The following CMIP variants were observed in gnomAD, a reference collection of about 807,000 sequenced individuals.
CMIP encodes the protein C-Maf-inducing protein.
Under a neutral mutation model 97.3 loss-of-function variants are expected in CMIP, and 13 were observed. The ratio of observed to expected loss-of-function variants is 0.13; its 90% CI spans 0.09 to 0.21. The LOEUF (loss-of-function observed/expected upper bound fraction) is 0.21, where lower values mean the gene tolerates loss of function less well. Among genes scored for constraint, CMIP ranks in the 10% least tolerant of loss-of-function variants. CMIP has a pLI of 1.00. For synonymous variants in CMIP, 538 were observed against 436.3 expected (o/e 1.23, Z -2.91); for missense variants, 847 against 1,024.9 (o/e 0.83, Z 2.37).
intron 1 of CMIP, among the ~76,000 whole-genome samples, chr16:81,484,676 C>G (rs1207115310): frequency 6.6e-6 from 1 of 152,106 alleles, no homozygotes; most frequent in Non-Finnish European, 1.5e-5. Context: ...TGATGGGACT[C>G]CTGTAGACGC....
At chr16:81,486,260 G>A (rs1405613406) in intron 1 of CMIP, among the ~76,000 whole-genome samples, 2 of 152,234 alleles carry the variant, frequency 1.3e-5, no homozygotes, top group Non-Finnish European at 2.9e-5. Flanking sequence ...ATCTGGAGTT[G>A]ATGGACTTAA....
At chr16:81,635,514 G>T (rs1392715993) in intron 3 of CMIP, among the ~76,000 whole-genome samples, 2 of 152,234 alleles carry the variant, frequency 1.3e-5, no homozygotes, top group Non-Finnish European at 2.9e-5. Context: ...GGAAAAGCCA[G>T]ATGCAGACAT....
At chr16:81,685,950 T>G (rs1330139612) in intron 10 of CMIP, among the ~76,000 whole-genome samples, 1 of 152,106 alleles carries the variant, frequency 6.6e-6, no homozygotes, top group African/African-American at 2.4e-5. Context: ...ATTGAGAGGG[T>G]GGAGCACAGA....
intron 9 of CMIP, among the ~76,000 whole-genome samples, chr16:81,677,887 G>A (rs1904431203): frequency 6.6e-6 from 1 of 152,238 alleles, no homozygotes; most frequent in South Asian, 2.1e-4. Flanking sequence ...AAGCAAAACA[G>A]TAGATCCCAT....
At chr16:81,603,593 G>A (rs2091693451) in intron 1 of CMIP, among the ~76,000 whole-genome samples, 2 of 152,112 alleles carry the variant, frequency 1.3e-5, no homozygotes, top group African/African-American at 2.4e-5. Context: ...TAGGTTTTCC[G>A]TGATGTCCTT....
At chr16:81,638,813 C>T (rs1454430481) in intron 3 of CMIP, among the ~76,000 whole-genome samples, 3 of 151,982 alleles carry the variant, frequency 2.0e-5, no homozygotes, top group Non-Finnish European at 4.4e-5. Flanking sequence ...GCAGGGAATC[C>T]AGGAGGACAG....
At chr16:81,579,774 G>A (rs1251824891) in intron 1 of CMIP, among the ~76,000 whole-genome samples, 6 of 152,154 alleles carry the variant, frequency 3.9e-5, no homozygotes, top group African/African-American at 1.4e-4. Context: ...CTAACATGGT[G>A]AAACCCCGTC....
chr16:81,641,376 C>T (rs990500107), intron 3 of CMIP, among the ~76,000 whole-genome samples: 1 of 152,024 alleles, frequency 6.6e-6, no homozygotes, highest in Non-Finnish European at 1.5e-5. Context: ...CATCCCTGCT[C>T]CCAAGCAGCT....
intron 1 of CMIP, among the ~76,000 whole-genome samples, chr16:81,561,055 A>T (rs1351635138): frequency 1.3e-5 from 2 of 152,138 alleles, no homozygotes; most frequent in African/African-American, 2.4e-5. Context: ...CCTGGGTTCA[A>T]GCAATTCTCA....
chr16:81,546,798 C>T (rs1394002551), intron 1 of CMIP, among the ~76,000 whole-genome samples: 5 of 152,240 alleles, frequency 3.3e-5, no homozygotes, highest in East Asian at 1.9e-4. Context: ...GAAGAGTAGC[C>T]GCTGCCATGT....
At chr16:81,704,145 C>T in intron 18 of CMIP, 60 bp downstream of exon 18, 1 of 1,487,068 alleles carries the variant, frequency 6.7e-7, no homozygotes, top group Non-Finnish European at 9.1e-7. Context: ...CTGCACTCTC[C>T]TCCCTATTCC....
Position 81,691,667 on chromosome 16 carries a change from C to G in CMIP, c.1389-108C>G. 4 of 829,462 alleles carry G rather than the reference C, an allele frequency of 4.8e-6. No homozygotes were observed. The Admixed American group carries it at 8.0e-5, about 17-fold the overall frequency. The allele number at this position is 829,462 out of a possible 1,614,324, so 51.4% of individuals were successfully genotyped here. ...TGGGTGGAGAAGTCAGTGCCACTGACTACCTGCCAGGCTCTCACCCCATCT... is the reference window on the plus strand; with the variant it reads ...TGGGTGGAGAAGTCAGTGCCACTGAGTACCTGCCAGGCTCTCACCCCATCT... On this transcript the variant is annotated intron_variant, in intron 10 of 20. Coordinates refer to ENST00000537098, the MANE Select transcript of CMIP (RefSeq NM_198390.3).
chr16:81,527,751 C>A (rs570078841), intron 1 of CMIP, among the ~76,000 whole-genome samples: 1 of 152,222 alleles, frequency 6.6e-6, no homozygotes, highest in Non-Finnish European at 1.5e-5. Context: ...TGAGCTTCAT[C>A]TACATTCTGT....
intron 1 of CMIP, among the ~76,000 whole-genome samples, chr16:81,509,259 G>T (rs1432252142): frequency 6.6e-6 from 1 of 152,166 alleles, no homozygotes; most frequent in Non-Finnish European, 1.5e-5. Flanking sequence ...GCAAGCAGGT[G>T]CAGAGAGATG....
In CMIP at chr16:81,655,491, C is replaced by T. The variant is rs2092471947; in HGVS notation, c.640-2284C>T. Among the ~76,000 whole-genome samples, 1 of 152,192 alleles carries T rather than the reference C, an allele frequency of 6.6e-6. No individual in the cohort carries two copies. The highest frequency in any genetic ancestry group is 1.5e-5 in the Non-Finnish European group (1 of 68,042). On this transcript the variant is annotated intron_variant, in intron 4 of 20. Coordinates refer to ENST00000537098, the MANE Select transcript of CMIP (RefSeq NM_198390.3). The surrounding 1 kb of genome is among the most constrained non-coding windows in gnomAD (Gnocchi z 4.9). ...GCTTAGCTCGAGAGTCAGGTGTTCC[C>T]TCTAATGCAGTGGCTATTGGTGGAC...
intron 1 of CMIP, among the ~76,000 whole-genome samples, chr16:81,557,520 T>C (rs557578122): frequency 4.7e-4 from 72 of 152,360 alleles, no homozygotes; most frequent in African/African-American, 1.6e-3. Context: ...TGTGGAATAA[T>C]TGATTAAATC....
In CMIP at chr16:81,546,898, G is replaced by A. The variant is rs183368269; in HGVS notation, c.301-60669G>A. Among the ~76,000 whole-genome samples the A allele has an allele frequency of 1.1e-4, 16 of 152,324 alleles. No individual in the cohort carries two copies. In the East Asian group the frequency reaches 1.5e-3, roughly 15 times the overall value. The stretch of plus-strand genomic sequence containing the variant: ...ACACTTCAGTGCTCCGTAGCCACGC[G>A]TGGCGAACAGCTCTTGTACTGGAGA... On this transcript the variant is annotated intron_variant, in intron 1 of 20. Transcript: ENST00000537098.
At chr16:81,708,010 A>T (rs1908341728) in intron 20 of CMIP, among the ~76,000 whole-genome samples, 1 of 152,226 alleles carries the variant, frequency 6.6e-6, no homozygotes, top group African/African-American at 2.4e-5. Context: ...CATCCTCCAG[A>T]TGCTTCTGGA....
intron 1 of CMIP, among the ~76,000 whole-genome samples, chr16:81,538,417 T>C (rs2090387777): frequency 6.6e-6 from 1 of 152,258 alleles, no homozygotes; most frequent in African/African-American, 2.4e-5. Flanking sequence ...CCAAAACAGC[T>C]TCATCATCAT....
Sources: gnomAD v4.1 joint callset for allele counts (sites outside exome capture counted in the v4.1 genomes callset) on GRCh38, gnomAD v4.1.1 for gene constraint, Gnocchi (gnomAD v3.1) non-coding constraint, MANE v1.5 for transcripts, NCBI Gene and HGNC (gene_info 2026-07-23, HGNC 2026-07-21) for gene names.